The following SPATS2L variants were observed in gnomAD, a reference collection of about 807,000 sequenced individuals.
The protein encoded by SPATS2L is spermatogenesis associated serine rich 2 like, also known as SPATS2-like protein.
A neutral mutation model predicts 59.6 loss-of-function variants in SPATS2L; 30 were observed. That is an observed-to-expected ratio of 0.50 (90% CI 0.38 to 0.68). The LOEUF is 0.68. Among genes scored for constraint, SPATS2L ranks in the 30% least tolerant of loss-of-function variants. The pLI is 0.00. For synonymous variants in SPATS2L, 252 were observed against 263.5 expected, an observed-to-expected ratio of 0.96 and a Z score of 0.42; for missense variants, 615 against 700.0, an observed-to-expected ratio of 0.88 and a Z score of 1.37.
chr2:200,472,934 C>A lies in SPATS2L; in HGVS notation c.1163C>A (p.Ser388Tyr). Reference sequence around the variant, plus strand: ...ACCTCTGGGAAACAGAGTAACTTTTCCCGAAAATCATCCACTCACAATAAG... The same window carrying A: ...ACCTCTGGGAAACAGAGTAACTTTTACCGAAAATCATCCACTCACAATAAG... The part of the protein sequence containing the change: ...AATSGKQSNF[S>Y]RKSSTHNKPS... Residue 388 changes from serine (S) to tyrosine (Y), a missense_variant, in exon 12 of 13, where the codon TCC becomes TAC. Physicochemically the swap from Ser to Tyr is moderately radical, Grantham distance 144. Around this residue, in one of 3 missense-constraint regions of SPATS2L, gnomAD observed 284 missense variants for 280.1 expected, o/e 1.01. Transcript: ENST00000409140. 1 of 1,613,944 alleles carries A rather than the reference C, an allele frequency of 6.2e-7. No homozygotes were observed. Among genetic ancestry groups the A allele is most frequent in the Non-Finnish European group, 8.5e-7 (1 of 1,179,882 alleles).
At chr2:200,326,336 A>G (rs1285569061) in intron 1 of SPATS2L, among the ~76,000 whole-genome samples, 2 of 152,210 alleles carry the variant, frequency 1.3e-5, no homozygotes, top group Non-Finnish European at 2.9e-5. Flanking sequence ...ACAAAAATTC[A>G]GATTGTTAAA....
At chr2:200,476,567 A>G (rs533304917) in intron 12 of SPATS2L, among the ~76,000 whole-genome samples, 17 of 152,220 alleles carry the variant, frequency 1.1e-4, no homozygotes, top group African/African-American at 3.9e-4. Flanking sequence ...GGGGAGGGAG[A>G]GCATGCAGGT....
At chr2:200,341,790 A>G (rs2080336293) in intron 2 of SPATS2L, among the ~76,000 whole-genome samples, 1 of 151,668 alleles carries the variant, frequency 6.6e-6, no homozygotes, top group South Asian at 2.1e-4. Context: ...CCTGGGTTCA[A>G]GTAATTCTCC....
At chr2:200,438,786 G>C (rs913567874) in intron 6 of SPATS2L, among the ~76,000 whole-genome samples, 2 of 152,040 alleles carry the variant, frequency 1.3e-5, no homozygotes, top group African/African-American at 2.4e-5. Context: ...GGAATAGCAG[G>C]GGGGAAAAGG....
intron 1 of SPATS2L, among the ~76,000 whole-genome samples, chr2:200,314,895 G>C (rs1227050072): frequency 6.6e-6 from 1 of 152,164 alleles, no homozygotes; most frequent in Non-Finnish European, 1.5e-5. Context: ...TGTTGAAACA[G>C]CAATAGTTTT....
intron 12 of SPATS2L, among the ~76,000 whole-genome samples, chr2:200,475,986 G>A (rs968986355): frequency 2.6e-5 from 4 of 152,088 alleles, no homozygotes; most frequent in African/African-American, 4.8e-5. Flanking sequence ...TCTATAAAAC[G>A]AAGCACATAA....
At chr2:200,476,919 G>A (rs1006953964) in intron 12 of SPATS2L, among the ~76,000 whole-genome samples, 2 of 152,182 alleles carry the variant, frequency 1.3e-5, no homozygotes, top group Admixed American at 6.5e-5. Flanking sequence ...AGGAGGGAGA[G>A]AGCTGGAAAA....
intron 6 of SPATS2L, 89 bp from the exon 7 acceptor site, chr2:200,439,033 A>C (rs1302289558): frequency 1.7e-6 from 2 of 1,164,322 alleles, no homozygotes; most frequent in African/African-American, 3.1e-5. Flanking sequence ...ATATGTAAAC[A>C]AAAACAAAAA....
chr2:200,419,825 C>T (rs1221377783), intron 6 of SPATS2L, among the ~76,000 whole-genome samples: 1 of 151,710 alleles, frequency 6.6e-6, no homozygotes, highest in Non-Finnish European at 1.5e-5. Flanking sequence ...GCAATCCTGC[C>T]TTGGCATCCC....
At chr2:200,334,747 C>G (rs1205159713) in intron 2 of SPATS2L, among the ~76,000 whole-genome samples, 1 of 152,016 alleles carries the variant, frequency 6.6e-6, no homozygotes, top group Non-Finnish European at 1.5e-5. Context: ...CCAGTTTTCC[C>G]AGCACCATTT....
intron 12 of SPATS2L, among the ~76,000 whole-genome samples, chr2:200,474,345 C>CT (rs200660291): frequency 1.8e-4 from 27 of 149,020 alleles, no homozygotes; most frequent in African/African-American, 1.5e-4. Flanking sequence ...AGTTTTTGTT[C>CT]TTTTTTTTTT....
chr2:200,315,526 T>C (rs1188934643), intron 1 of SPATS2L, among the ~76,000 whole-genome samples: 5 of 152,144 alleles, frequency 3.3e-5, no homozygotes, highest in Admixed American at 6.5e-5. Flanking sequence ...CGTTGATTCT[T>C]CCTAGTGGGC....
chr2:200,404,976 A>G lies in SPATS2L; in HGVS notation c.40-7335A>G, dbSNP rs549618095. On this transcript the variant is annotated intron_variant, in intron 3 of 12. Transcript: ENST00000409140. Reference sequence around the variant, plus strand: ...GTGATTATACTGGACCCACTGAGATAATCCGGGATGATCTCCCCATTTGAA... The same window carrying G: ...GTGATTATACTGGACCCACTGAGATGATCCGGGATGATCTCCCCATTTGAA... Among the ~76,000 whole-genome samples the G allele has an allele frequency of 2.0e-5, 3 of 152,298 alleles. No homozygotes were observed. In the South Asian group the frequency reaches 6.2e-4, roughly 32 times the overall value.
At chr2:200,402,378 G>C (rs1480470050) in intron 3 of SPATS2L, among the ~76,000 whole-genome samples, 3 of 152,062 alleles carry the variant, frequency 2.0e-5, no homozygotes, top group African/African-American at 7.2e-5. Flanking sequence ...CATACTTAAT[G>C]CTCCAGCAAT....
rs116366796 is a variant in SPATS2L at position 200,309,420 on chromosome 2, G to A, written c.-73+2498G>A. Among the ~76,000 whole-genome samples the A allele has an allele frequency of 4.6e-3, 702 of 152,310 alleles. 2 individuals carry two copies. Among genetic ancestry groups the A allele is most frequent in the Non-Finnish European group, 7.8e-3 (531 of 68,020 alleles). ...AGTGGAATGCATTTTATGTGCACTT[G>A]ACAGGTACTGCTTAGTCACTGCTTC... On this transcript the variant is annotated intron_variant, in intron 1 of 12. Transcript: ENST00000409140.
At chr2:200,363,335 T>C (rs2081170523) in intron 2 of SPATS2L, among the ~76,000 whole-genome samples, 2 of 152,162 alleles carry the variant, frequency 1.3e-5, no homozygotes, top group South Asian at 4.1e-4. Flanking sequence ...CGGGGACTTG[T>C]GTGTCTTATT....
chr2:200,369,647 T>C (rs1559073716), intron 2 of SPATS2L, among the ~76,000 whole-genome samples: 1 of 151,824 alleles, frequency 6.6e-6, no homozygotes, highest in South Asian at 2.1e-4. Flanking sequence ...AAGTATAATA[T>C]ATAAAAAAAT....
chr2:200,389,295 T>G lies in SPATS2L; in HGVS notation c.39+12T>G. 1 of 1,566,202 alleles carries G rather than the reference T, an allele frequency of 6.4e-7. No individual in the cohort carries two copies. Among genetic ancestry groups the G allele is most frequent in the East Asian group, 2.3e-5 (1 of 43,352 alleles). On this transcript the variant is annotated intron_variant, in intron 3 of 12. Coordinates refer to ENST00000409140, the MANE Select transcript of SPATS2L (RefSeq NM_001100423.2). The stretch of plus-strand genomic sequence containing the variant: ...ATGTCAAGGAAAAGGTAAGATCAAG[T>G]TATACGTTGGCTCACAGAAACTCCA...
rs1207807384 is a variant in SPATS2L, at chr2:200,478,082, G to A, written c.*51G>A. On this transcript the variant is annotated 3_prime_UTR_variant, in exon 13 of 13. Coordinates refer to ENST00000409140, the MANE Select transcript of SPATS2L (RefSeq NM_001100423.2). ...ACTCAGTTTTGGTTCCCTGCCCGAG[G>A]TGCTGACCCAATTCGCTGCCAAAAG... The A allele has an allele frequency of 2.7e-6, 4 of 1,494,880 alleles. No individual in the cohort carries two copies. The highest frequency in any genetic ancestry group is 1.4e-5 in the South Asian group (1 of 73,474). The allele number at this position is 1,494,880 out of a possible 1,614,324, so 92.6% of individuals were successfully genotyped here. A position where few individuals can be genotyped will look rare whatever the true frequency, so the allele number is the denominator to read the frequency against.
Sources: allele counts gnomAD v4.1 joint callset (sites outside exome capture counted in the v4.1 genomes callset), GRCh38; gene constraint gnomAD v4.1.1; regional missense constraint gnomAD v4.1.1; transcripts MANE v1.5; gene names NCBI Gene and HGNC (gene_info 2026-07-23, HGNC 2026-07-21).